Variants in STPG2 observed in about 807,000 individuals in gnomAD.
STPG2 encodes the protein sperm-tail PG-rich repeat-containing protein 2.
A neutral mutation model predicts 54.2 loss-of-function variants in STPG2; 56 were observed. That is an observed-to-expected ratio of 1.03 (90% CI 0.83 to 1.29). The LOEUF (loss-of-function observed/expected upper bound fraction) is 1.29, where lower values mean the gene tolerates loss of function less well. Among genes scored for constraint, STPG2 ranks in the 50% most tolerant of loss-of-function variants. The pLI is 0.00. For synonymous variants in STPG2, 200 were observed against 181.8 expected, an observed-to-expected ratio of 1.10 and a Z score of -0.81; for missense variants, 596 against 544.9, an observed-to-expected ratio of 1.09 and a Z score of -0.93.
chr4:97,527,768 C>T (rs965498210), intron 4 of STPG2, among the ~76,000 whole-genome samples: 9 of 152,250 alleles, frequency 5.9e-5, no homozygotes, highest in African/African-American at 1.9e-4. Context: ...AGCTTTTCTT[C>T]ATATGTTTGT....
At chr4:97,800,076 C>A (rs1182092303) in intron 9 of STPG2, among the ~76,000 whole-genome samples, 1 of 152,158 alleles carries the variant, frequency 6.6e-6, no homozygotes, top group African/African-American at 2.4e-5. Context: ...TCTAGTTAGC[C>A]ATTCATCTAA....
intron 10 of STPG2, among the ~76,000 whole-genome samples, chr4:97,595,869 A>G (rs1000701598): frequency 1.3e-5 from 2 of 152,224 alleles, no homozygotes; most frequent in Admixed American, 6.5e-5. Flanking sequence ...TAAAGTCTGC[A>G]TAATAACTAG....
At chr4:98,089,674 G>A (rs1738626073) in intron 5 of STPG2, among the ~76,000 whole-genome samples, 4 of 149,666 alleles carry the variant, frequency 2.7e-5, no homozygotes, top group African/African-American at 9.8e-5. Context: ...CACCAGCAGT[G>A]AAAAAGTATT....
intron 9 of STPG2, among the ~76,000 whole-genome samples, chr4:97,780,974 A>G (rs1726584659): frequency 6.6e-6 from 1 of 152,228 alleles, no homozygotes; most frequent in South Asian, 2.1e-4. Context: ...CCACAAGAGA[A>G]AGCGGCAAAG....
chr4:97,883,711 CAAG>C (rs1413151293), intron 8 of STPG2, among the ~76,000 whole-genome samples: 3 of 151,948 alleles, frequency 2.0e-5, no homozygotes, highest in South Asian at 2.1e-4. Flanking sequence ...AAGTCAATTA[CAAG>C]AAGAAGAAAA....
chr4:97,500,071 A>C (rs1730691958), intron 4 of STPG2, among the ~76,000 whole-genome samples: 1 of 151,996 alleles, frequency 6.6e-6, no homozygotes, highest in South Asian at 2.1e-4. Flanking sequence ...AAAAAAAGGC[A>C]ATAGGAGGGG....
At chr4:97,518,700 T>C (rs900205901) in intron 4 of STPG2, among the ~76,000 whole-genome samples, 1 of 152,080 alleles carries the variant, frequency 6.6e-6, no homozygotes, top group African/African-American at 2.4e-5. Flanking sequence ...CTTTCTCTAT[T>C]CTCCCTTCTC....
intron 4 of STPG2, among the ~76,000 whole-genome samples, chr4:97,454,867 A>C: frequency 6.6e-6 from 1 of 152,312 alleles, no homozygotes; most frequent in East Asian, 1.9e-4. Context: ...AATGTTTTAG[A>C]AATTATTCCT....
intron 5 of STPG2, among the ~76,000 whole-genome samples, chr4:98,035,854 T>C (rs4133695): frequency 0.4 from 59,877 of 151,252 alleles, 12,042 homozygotes; most frequent in Middle Eastern, 0.46. Flanking sequence ...GAACAGAAAA[T>C]CAAACACTGC....
chr4:97,498,859 A>G (rs1259749934), intron 4 of STPG2, among the ~76,000 whole-genome samples: 2 of 152,026 alleles, frequency 1.3e-5, no homozygotes, highest in Non-Finnish European at 2.9e-5. Flanking sequence ...AAAACTCACA[A>G]GCACAACCCA....
At chr4:98,121,288 T>C (rs868530500) in intron 3 of STPG2, among the ~76,000 whole-genome samples, 6 of 152,256 alleles carry the variant, frequency 3.9e-5, no homozygotes, top group Non-Finnish European at 8.8e-5. Context: ...TTTTGGTTAA[T>C]GTAGCCTTGT....
chr4:97,909,496 G>A (rs1253917097), intron 8 of STPG2, among the ~76,000 whole-genome samples: 1 of 151,732 alleles, frequency 6.6e-6, no homozygotes, highest in Non-Finnish European at 1.5e-5. Flanking sequence ...CCCTAACAAG[G>A]AAATTACTAA....
At chr4:97,929,094 C>T (rs1244458910) in intron 8 of STPG2, among the ~76,000 whole-genome samples, 2 of 152,050 alleles carry the variant, frequency 1.3e-5, no homozygotes, top group Admixed American at 1.3e-4. Flanking sequence ...TTATAAGTAA[C>T]TATCATTTAG....
chr4:97,908,308 C>T (rs2149196554), intron 8 of STPG2, among the ~76,000 whole-genome samples: 1 of 152,078 alleles, frequency 6.6e-6, no homozygotes, highest in Non-Finnish European at 1.5e-5. Flanking sequence ...ATCAAAACCA[C>T]AATGAGATAC....
intron 4 of STPG2, among the ~76,000 whole-genome samples, chr4:97,462,081 A>G (rs536067924): frequency 1.3e-5 from 2 of 151,550 alleles, no homozygotes; most frequent in South Asian, 4.2e-4. Context: ...TTTTTTTTTC[A>G]TTCTTAGATC....
At chr4:97,501,018 G>C (rs192837080) in intron 4 of STPG2, among the ~76,000 whole-genome samples, 23 of 152,114 alleles carry the variant, frequency 1.5e-4, no homozygotes, top group Admixed American at 8.5e-4. Context: ...TCTACTGCTG[G>C]GATCATCTAG....
intron 10 of STPG2, among the ~76,000 whole-genome samples, chr4:97,658,791 C>T (rs568659298): frequency 1.3e-5 from 2 of 152,088 alleles, no homozygotes; most frequent in Non-Finnish European, 2.9e-5. Context: ...ATGGGGCATA[C>T]GTACTAAATT....
At chr4:98,051,653 T>G (rs1434576897) in intron 5 of STPG2, among the ~76,000 whole-genome samples, 1 of 152,030 alleles carries the variant, frequency 6.6e-6, no homozygotes, top group Non-Finnish European at 1.5e-5. Flanking sequence ...AAACTTATTT[T>G]CTTTATAAGT....
intron 4 of STPG2, among the ~76,000 whole-genome samples, chr4:97,471,452 A>G (rs1729926711): frequency 6.6e-6 from 1 of 152,210 alleles, no homozygotes; most frequent in Admixed American, 6.5e-5. Context: ...GCTATTGCTA[A>G]TAATTCAATG....
Sources: allele counts gnomAD v4.1 joint callset (sites outside exome capture counted in the v4.1 genomes callset), GRCh38; gene constraint gnomAD v4.1.1; transcripts MANE v1.5; gene names NCBI Gene and HGNC (gene_info 2026-07-23, HGNC 2026-07-21).